Variants in LRP6 observed in about 807,000 individuals in gnomAD.
LRP6 encodes the protein LDL receptor related protein 6.
A neutral mutation model predicts 184.1 loss-of-function variants in LRP6; 43 were observed. The ratio of observed to expected loss-of-function variants is 0.23; its 90% confidence interval spans 0.18 to 0.30. The LOEUF (loss-of-function observed/expected upper bound fraction) is 0.30, where lower values mean the gene tolerates loss of function less well. Among genes scored for constraint, LRP6 ranks in the 10% least tolerant of loss-of-function variants. The pLI is 1.00. For synonymous variants in LRP6, 719 were observed against 684.9 expected (o/e 1.05, Z -0.78); for missense variants, 1,571 against 2,005.3 (o/e 0.78, Z 4.14).
chr12:12,232,297 T>A (rs1418346332), intron 2 of LRP6, among the ~76,000 whole-genome samples: 1 of 149,812 alleles, frequency 6.7e-6, no homozygotes, highest in Non-Finnish European at 1.5e-5. Flanking sequence ...GGCAGAAGAG[T>A]GTCGAGAACC....
At chr12:12,259,461 G>A (rs572843489) in intron 1 of LRP6, among the ~76,000 whole-genome samples, 1 of 152,170 alleles carries the variant, frequency 6.6e-6, no homozygotes, top group East Asian at 1.9e-4. Flanking sequence ...GTCCTTCCAA[G>A]CAAGATATTA....
In LRP6 at chr12:12,165,242, A is replaced by G; in HGVS notation, c.1599T>C (p.Pro533=). Residue 533 remains proline, a synonymous_variant, in exon 8 of 23, where the codon CCT becomes CCC. Transcript: ENST00000261349. The part of the protein sequence containing the change: ...GRRVLVEDKI[P]HIFGFTLLGD... ...CCAACAAAGTAAATCCAAATATGTG[A>G]GGAATTTTGTCTTCCACTAGTACTC... is the stretch of plus-strand genomic sequence containing the variant. The G allele has an allele frequency of 6.2e-7, 1 of 1,614,150 alleles. No homozygotes were observed. Among genetic ancestry groups the G allele is most frequent in the Non-Finnish European group, 8.5e-7 (1 of 1,179,994 alleles).
chr12:12,232,673 AAC>A (rs1442450118), intron 2 of LRP6, among the ~76,000 whole-genome samples: 3 of 152,144 alleles, frequency 2.0e-5, no homozygotes, highest in African/African-American at 7.2e-5. Context: ...AAATGATGAA[AAC>A]ACATAAAAGA....
At chr12:12,176,408 T>C (rs1361765219) in intron 7 of LRP6, among the ~76,000 whole-genome samples, 1 of 152,194 alleles carries the variant, frequency 6.6e-6, no homozygotes, top group Non-Finnish European at 1.5e-5. Context: ...TGTTATTCTA[T>C]TAAAGCAGGA....
At chr12:12,193,333 C>T (rs1863665637) in intron 3 of LRP6, among the ~76,000 whole-genome samples, 1 of 148,880 alleles carries the variant, frequency 6.7e-6, no homozygotes, top group South Asian at 2.1e-4. Flanking sequence ...TAGATTAAAT[C>T]CAAAGCAAGT....
chr12:12,166,493 T>C (rs1331006150), intron 7 of LRP6, among the ~76,000 whole-genome samples: 1 of 152,244 alleles, frequency 6.6e-6, no homozygotes, highest in Non-Finnish European at 1.5e-5. Flanking sequence ...GTTTGTGGTA[T>C]GTTAAAATAT....
intron 15 of LRP6, 83 bp from the exon 16 acceptor site, chr12:12,138,617 G>T: frequency 7.6e-7 from 1 of 1,322,626 alleles, no homozygotes; most frequent in Non-Finnish European, 1.1e-6. Flanking sequence ...CTACCAGTTA[G>T]ATTCTACAGG....
Position 12,162,204 on chromosome 12 carries a change from G to A in LRP6, c.2268C>T (p.Asp756=), listed in dbSNP as rs1187169881. 1.2e-6 allele frequency: 2 copies of A among 1,613,946 alleles called. No homozygotes were observed. The highest frequency in any genetic ancestry group is 1.1e-5 in the South Asian group (1 of 91,072). ...GTAAAGCTGTTTACCCTTCGGCAGG[G>A]TCCAACGCGAGAGCTCTGGGACTAT... The part of the protein sequence containing the change: ...DLDSPRALAL[D]PAEGFMYWTE... Residue 756 remains aspartate, a synonymous_variant, in exon 10 of 23, where the codon GAC becomes GAT. Transcript: ENST00000261349.
chr12:12,179,381 G>GATATAGAT (rs1863281958), intron 7 of LRP6, among the ~76,000 whole-genome samples: 1 of 60,844 alleles, frequency 1.6e-5, no homozygotes, highest in Non-Finnish European at 4.1e-5. Context: ...TATAGATATA[G>GATATAGAT]ATATAGATAT....
intron 2 of LRP6, among the ~76,000 whole-genome samples, chr12:12,242,153 T>G (rs916890661): frequency 1.3e-5 from 2 of 152,158 alleles, no homozygotes; most frequent in Non-Finnish European, 2.9e-5. Context: ...ATTCCAAAAT[T>G]TGGTAATGAA....
At chr12:12,124,444 A>C (rs2136838627) in intron 22 of LRP6, 121 bp downstream of exon 22, 1 of 745,802 alleles carries the variant, frequency 1.3e-6, no homozygotes, top group Middle Eastern at 2.4e-4. Context: ...AGTACTATCA[A>C]GATAAGATGA....
At chr12:12,144,765 G>C (rs1486446574) in intron 15 of LRP6, among the ~76,000 whole-genome samples, 2 of 152,104 alleles carry the variant, frequency 1.3e-5, no homozygotes, top group Non-Finnish European at 2.9e-5. Context: ...CCTTTGCAGA[G>C]ACATGGATGA....
intron 10 of LRP6, among the ~76,000 whole-genome samples, chr12:12,160,434 G>T (rs1230905554): frequency 1.3e-5 from 2 of 152,142 alleles, no homozygotes; most frequent in Non-Finnish European, 2.9e-5. Flanking sequence ...ATAAGTTGCA[G>T]AAGTACATGA....
intron 7 of LRP6, among the ~76,000 whole-genome samples, chr12:12,166,242 C>A (rs1862875443): frequency 6.6e-6 from 1 of 152,174 alleles, no homozygotes; most frequent in Non-Finnish European, 1.5e-5. Flanking sequence ...GACTTGAACA[C>A]TGGGACTCTG....
intron 12 of LRP6, among the ~76,000 whole-genome samples, chr12:12,153,193 AAAGGTTCT>A (rs531506234): frequency 8.7e-4 from 133 of 152,350 alleles, no homozygotes; most frequent in African/African-American, 3.2e-3. Context: ...AAAAATTTTT[AAAGGTTCT>A]AAATTGGCTG....
At chr12:12,260,402 T>G (rs1218868919) in intron 1 of LRP6, among the ~76,000 whole-genome samples, 1 of 151,746 alleles carries the variant, frequency 6.6e-6, no homozygotes, top group Non-Finnish European at 1.5e-5. Flanking sequence ...GAAAAAAAAT[T>G]TAGTGTCATT....
At chr12:12,248,047 T>C (rs1187882815) in intron 1 of LRP6, among the ~76,000 whole-genome samples, 4 of 152,158 alleles carry the variant, frequency 2.6e-5, no homozygotes. Flanking sequence ...GTAAATGTCA[T>C]ACATCCCCAA....
At position 12,120,192 on chromosome 12, in the gene LRP6, A is replaced by G. The variant is rs1039327382; in HGVS notation, c.*934T>C. The G allele has an allele frequency of 6.6e-6, 1 of 151,706 alleles. No individual in the cohort carries two copies. Among genetic ancestry groups the G allele is most frequent in the African/African-American group, 2.4e-5 (1 of 41,292 alleles). The allele number at this position is 151,706 out of a possible 1,614,324, so 9.4% of individuals were successfully genotyped here. On this transcript the variant is annotated 3_prime_UTR_variant, in exon 23 of 23. Transcript: ENST00000261349. Reference sequence around the variant, plus strand: ...ATGAGCATTAAAACAATCTTGGAAGAAGAGAAATAATATGTCTAACTTTTG... The same window carrying G: ...ATGAGCATTAAAACAATCTTGGAAGGAGAGAAATAATATGTCTAACTTTTG...
At position 12,118,172 on chromosome 12, in the gene LRP6, A is replaced by T. The variant is rs1949542732; in HGVS notation, c.*2954T>A. On this transcript the variant is annotated 3_prime_UTR_variant, in exon 23 of 23. Transcript: ENST00000261349. ...CCAAAGGCATAATAAAATTTCATGG[A>T]AGAAAAATTAATAGTCAGAAAATTC... 6.6e-6 allele frequency: 1 copy of T among 152,186 alleles called. No individual in the cohort carries two copies. The highest frequency in any genetic ancestry group is 2.4e-5 in the African/African-American group (1 of 41,456). 9.4% of individuals were successfully genotyped at this position (152,186 alleles called of 1,614,324 possible).
Sources: allele counts gnomAD v4.1 joint callset (sites outside exome capture counted in the v4.1 genomes callset), GRCh38; gene constraint gnomAD v4.1.1; transcripts MANE v1.5; gene names NCBI Gene and HGNC (gene_info 2026-07-23, HGNC 2026-07-21).